Variants in SLC12A7 observed in about 807,000 individuals in gnomAD.
SLC12A7 encodes K-Cl cotransporter 4.
A neutral mutation model predicts 120.6 loss-of-function variants in SLC12A7; 100 were observed. The observed-to-expected ratio is 0.83, with a 90% CI of 0.71 to 0.98. SLC12A7 has a LOEUF of 0.98. Ranked by LOEUF, SLC12A7 falls within the 50% of genes least tolerant of loss-of-function variation. The pLI, the probability that SLC12A7 is intolerant of heterozygous loss-of-function variation, is 0.00. For missense variants in SLC12A7, 1,373 were observed against 1,548.1 expected (o/e 0.89, Z 1.90); for synonymous variants, 760 against 678.0 (o/e 1.12, Z -1.88).
intron 11 of SLC12A7, 78 bp from the exon 12 acceptor site, chr5:1,078,085 A>T: frequency 6.8e-7 from 1 of 1,469,960 alleles, no homozygotes; most frequent in Non-Finnish European, 9.0e-7. Context: ...TCCCACCCAG[A>T]GCGAGGGGCC....
intron 6 of SLC12A7, among the ~76,000 whole-genome samples, chr5:1,086,572 C>T (rs1315780378): frequency 2.0e-5 from 3 of 152,218 alleles, no homozygotes; most frequent in South Asian, 4.1e-4. Context: ...TCTTCTAAGC[C>T]GAGTTCCAGC....
chr5:1,056,665 C>T, intron 22 of SLC12A7: 1 of 843,866 alleles, frequency 1.2e-6, no homozygotes, highest in Non-Finnish European at 1.4e-6. Context: ...TTCCAGATCG[C>T]ATGGCTGCCC....
At chr5:1,067,204 C>T (rs1737147369) in intron 17 of SLC12A7, among the ~76,000 whole-genome samples, 1 of 152,222 alleles carries the variant, frequency 6.6e-6, no homozygotes, top group Non-Finnish European at 1.5e-5. Flanking sequence ...CAGATATGCT[C>T]CTCTTTGAGA....
the SLC12A7 span, among the ~76,000 whole-genome samples, chr5:1,137,585 AC>A: frequency 6.6e-6 from 1 of 151,622 alleles, no homozygotes; most frequent in African/African-American, 2.4e-5. Context: ...GCACTGAATG[AC>A]CCCGTTCCCC....
At chr5:1,054,932 G>A (rs929544372) in intron 22 of SLC12A7, among the ~76,000 whole-genome samples, 3 of 152,210 alleles carry the variant, frequency 2.0e-5, no homozygotes, top group African/African-American at 7.2e-5. Flanking sequence ...ACAATTACCA[G>A]TGTGTTTGGG....
chr5:1,102,038 T>A (rs1742072269), intron 1 of SLC12A7, among the ~76,000 whole-genome samples: 1 of 152,078 alleles, frequency 6.6e-6, no homozygotes, highest in African/African-American at 2.4e-5. Flanking sequence ...ATCAACAAAG[T>A]GAATGCAGAC....
intron 1 of SLC12A7, among the ~76,000 whole-genome samples, chr5:1,107,461 C>A (rs1354619188): frequency 6.6e-6 from 1 of 152,220 alleles, no homozygotes; most frequent in African/African-American, 2.4e-5. Context: ...CCACTCACTG[C>A]CGGGCATGAG....
intron 8 of SLC12A7, among the ~76,000 whole-genome samples, chr5:1,083,031 T>C (rs1271755289): frequency 4.7e-5 from 7 of 150,026 alleles, no homozygotes; most frequent in African/African-American, 7.4e-5. Context: ...AGCCTGGGCT[T>C]CCCGTCTCAG....
chr5:1,089,179 G>C (rs964542399), intron 3 of SLC12A7, 51 bp from the exon 4 acceptor site: 1 of 1,586,326 alleles, frequency 6.3e-7, no homozygotes, highest in African/African-American at 1.3e-5. Context: ...CACCCAGAGG[G>C]AGCCCCCTCC....
At chr5:1,137,060 T>G in the SLC12A7 span, among the ~76,000 whole-genome samples, 2 of 151,218 alleles carry the variant, frequency 1.3e-5, no homozygotes, top group African/African-American at 4.9e-5. Flanking sequence ...AGGACACACA[T>G]GCAGACACAC....
chr5:1,064,254 T>C lies in SLC12A7; in HGVS notation c.2438-2A>G. The C allele has an allele frequency of 1.2e-6, 2 of 1,607,220 alleles. No individual in the cohort carries two copies. Among genetic ancestry groups the C allele is most frequent in the Non-Finnish European group, 1.7e-6 (2 of 1,177,042 alleles). On this transcript the variant is annotated splice_acceptor_variant, in intron 18 of 23. Coordinates refer to ENST00000264930, the MANE Select transcript of SLC12A7 (RefSeq NM_006598.3). LOFTEE classifies it high-confidence loss of function. ...CGGCGGTGGTGTCGCGGACGGTGTC[T>C]GCGGAGAGAGGCGGCCGTCCGCAGG...
chr5:1,154,560 T>C, the SLC12A7 span, among the ~76,000 whole-genome samples: 5 of 151,958 alleles, frequency 3.3e-5, no homozygotes, highest in African/African-American at 9.7e-5. Flanking sequence ...CACACAGGCG[T>C]GGACACTCAC....
At chr5:1,145,826 G>A in the SLC12A7 span, among the ~76,000 whole-genome samples, 1 of 151,998 alleles carries the variant, frequency 6.6e-6, no homozygotes, top group Non-Finnish European at 1.5e-5. The surrounding 1 kb of genome is among the most constrained non-coding windows in gnomAD (Gnocchi z 4.4). Flanking sequence ...CCTACTGTCT[G>A]CTTGCATTTT....
chr5:1,141,446 C>CCGCCACGGGCACCAG, the SLC12A7 span, among the ~76,000 whole-genome samples: 1 of 90,646 alleles, frequency 1.1e-5, no homozygotes, highest in African/African-American at 3.8e-5. Flanking sequence ...ACGGGCACCA[C>CCGCCACGGGCACCAG]AGCCGCCATG....
intron 1 of SLC12A7, among the ~76,000 whole-genome samples, chr5:1,099,574 G>A (rs1452130581): frequency 6.6e-6 from 1 of 151,988 alleles, no homozygotes; most frequent in Non-Finnish European, 1.5e-5. Flanking sequence ...CCATGGTACC[G>A]ACCTCCACAA....
chr5:1,112,351 G>GCCCTCCCCGC, upstream of SLC12A7, among the ~76,000 whole-genome samples: 1 of 52,638 alleles, frequency 1.9e-5, no homozygotes, highest in African/African-American at 8.9e-5. Flanking sequence ...GCCCTCCCCG[G>GCCCTCCCCGC]CCCCCTCCCC....
Position 1,075,357 on chromosome 5 carries a change from C to G in SLC12A7, c.1967+14G>C. 1 of 1,606,166 alleles carries G rather than the reference C, an allele frequency of 6.2e-7. No individual in the cohort carries two copies. Among genetic ancestry groups the G allele is most frequent in the East Asian group, 2.2e-5 (1 of 44,652 alleles). On this transcript the variant is annotated intron_variant, in intron 15 of 23. Transcript: ENST00000264930. ...CCGTGCGCCGGGTCTGTAAGGGGGG[C>G]TGACAGCGCTTACCCGCGGTACTCG...
chr5:1,055,062 T>C (rs994895215), intron 22 of SLC12A7, among the ~76,000 whole-genome samples: 1 of 151,842 alleles, frequency 6.6e-6, no homozygotes, highest in Non-Finnish European at 1.5e-5. Flanking sequence ...TGGCTACTGG[T>C]GGAGTATGCC....
At chr5:1,082,107 T>C (rs1739212069) in intron 8 of SLC12A7, among the ~76,000 whole-genome samples, 1 of 136,232 alleles carries the variant, frequency 7.3e-6, no homozygotes, top group Admixed American at 7.6e-5. Flanking sequence ...CTCTCTAGGG[T>C]TCTGGAAAGT....
Sources: allele counts gnomAD v4.1 joint callset (sites outside exome capture counted in the v4.1 genomes callset), GRCh38; gene constraint gnomAD v4.1.1; non-coding constraint Gnocchi (gnomAD v3.1); transcripts MANE v1.5; gene names NCBI Gene and HGNC (gene_info 2026-07-23, HGNC 2026-07-21).